STXBP6: variants seen among roughly 807,000 people sequenced by gnomAD.
STXBP6 encodes syntaxin-binding protein 6.
STXBP6 carries 21 observed loss-of-function variants against 26.9 expected under a neutral mutation model. The observed-to-expected ratio is 0.78, with a 90% CI of 0.55 to 1.12. The LOEUF is 1.12. STXBP6 is among the 50% of genes most tolerant of loss of function. The pLI is 0.00. For synonymous variants in STXBP6, 97 were observed against 92.6 expected (o/e 1.05, Z -0.27); for missense variants, 232 against 257.9 (o/e 0.90, Z 0.69).
Position 25,002,359 on chromosome 14 carries a change from C to CTTTTTTTTTTTTTTTTTTTT in STXBP6, c.-32-27510_-32-27509insAAAAAAAAAAAAAAAAAAAA, listed in dbSNP as rs747010332. Among the ~76,000 whole-genome samples the CTTTTTTTTTTTTTTTTTTTT allele has an allele frequency of 1.7e-3, 211 of 121,342 alleles. 10 individuals are homozygous for CTTTTTTTTTTTTTTTTTTTT. The highest frequency in any genetic ancestry group is 2.8e-3 in the Non-Finnish European group (165 of 59,410). The allele number at this position is 121,342 out of a possible 152,430, so 79.6% of individuals were successfully genotyped here. ...ATCCCATACAGTTAAATTCTTATGACTTTTTTTTTTTTTTTTTTGAGACAC... is the reference window on the plus strand; with the variant it reads ...ATCCCATACAGTTAAATTCTTATGACTTTTTTTTTTTTTTTTTTTTTTTTTTTTTTTTTTTTTTGAGACAC... On this transcript the variant is annotated intron_variant, in intron 1 of 5. Coordinates refer to ENST00000323944, the MANE Select transcript of STXBP6 (RefSeq NM_001394410.1).
intron 2 of STXBP6, among the ~76,000 whole-genome samples, chr14:24,967,334 G>A (rs1395852718): frequency 3.3e-5 from 5 of 152,170 alleles, no homozygotes; most frequent in African/African-American, 1.2e-4. Flanking sequence ...CTGACTGTAT[G>A]AGCACTGAAG....
chr14:25,045,781 T>C lies in STXBP6; in HGVS notation c.-33+4097A>G, dbSNP rs188437672. ...ACCACATCCAGCTAATTTGTTTTTG[T>C]ATTTTTAGTAGAGACAGGTTTTCAT... On this transcript the variant is annotated intron_variant, in intron 1 of 5. Coordinates refer to ENST00000323944, the MANE Select transcript of STXBP6 (RefSeq NM_001394410.1). 2.4e-3 allele frequency among the ~76,000 whole-genome samples: 358 copies of C among 152,184 alleles called. 1 individual carries two copies. Among genetic ancestry groups the C allele is most frequent in the Non-Finnish European group, 4.1e-3 (277 of 67,992 alleles).
chr14:24,947,688 C>A (rs112604153), intron 2 of STXBP6, among the ~76,000 whole-genome samples: 1 of 152,066 alleles, frequency 6.6e-6, no homozygotes, highest in Non-Finnish European at 1.5e-5. Flanking sequence ...TAATAGTAAA[C>A]TGGCAGTGAT....
intron 1 of STXBP6, among the ~76,000 whole-genome samples, chr14:25,004,415 T>C (rs1489401248): frequency 6.6e-6 from 1 of 152,200 alleles, no homozygotes; most frequent in Non-Finnish European, 1.5e-5. Flanking sequence ...AGGGTCTATG[T>C]GAGAATTATA....
At chr14:24,824,454 G>C (rs1332581544) in intron 4 of STXBP6, among the ~76,000 whole-genome samples, 1 of 152,180 alleles carries the variant, frequency 6.6e-6, no homozygotes, top group African/African-American at 2.4e-5. Context: ...TATGAACAGA[G>C]TGATTAAATG....
At chr14:24,976,641 T>C (rs566846473) in intron 1 of STXBP6, among the ~76,000 whole-genome samples, 2 of 152,296 alleles carry the variant, frequency 1.3e-5, no homozygotes, top group African/African-American at 2.4e-5. Context: ...ACCCCATGAC[T>C]TTCCTAGGCA....
At chr14:24,927,573 C>G (rs2072224057) in intron 2 of STXBP6, among the ~76,000 whole-genome samples, 1 of 152,216 alleles carries the variant, frequency 6.6e-6, no homozygotes, top group African/African-American at 2.4e-5. Context: ...AACCTTTCCT[C>G]TAAAGACATC....
At chr14:24,908,031 C>G (rs74040709) in intron 2 of STXBP6, among the ~76,000 whole-genome samples, 8,526 of 152,158 alleles carry the variant, frequency 0.056, 747 homozygotes, top group African/African-American at 0.19. Flanking sequence ...AGCAATGACC[C>G]CATTTGGGTG....
At chr14:24,818,836 T>C (rs894355844) in intron 5 of STXBP6, among the ~76,000 whole-genome samples, 5 of 152,140 alleles carry the variant, frequency 3.3e-5, no homozygotes, top group African/African-American at 1.2e-4. Context: ...CTGAGGACAT[T>C]AGAAAAGAGC....
chr14:24,919,101 C>CA (rs2071882148), intron 2 of STXBP6, among the ~76,000 whole-genome samples: 1 of 152,066 alleles, frequency 6.6e-6, no homozygotes, highest in African/African-American at 2.4e-5. Context: ...ACACAGCCCT[C>CA]AAGGTGAGAT....
intron 1 of STXBP6, among the ~76,000 whole-genome samples, chr14:25,006,601 G>A (rs1411082330): frequency 6.6e-6 from 1 of 152,160 alleles, no homozygotes; most frequent in Non-Finnish European, 1.5e-5. Context: ...GATAAATTCT[G>A]CTGTGTCCAC....
chr14:24,854,963 G>T (rs895160126), intron 4 of STXBP6, among the ~76,000 whole-genome samples: 1 of 152,108 alleles, frequency 6.6e-6, no homozygotes, highest in Non-Finnish European at 1.5e-5. Context: ...GACCTTCCAA[G>T]GTTCTTATGA....
At chr14:24,865,311 A>G (rs1259378327) in intron 2 of STXBP6, among the ~76,000 whole-genome samples, 1 of 152,120 alleles carries the variant, frequency 6.6e-6, no homozygotes, top group African/African-American at 2.4e-5. Flanking sequence ...GAGCCCTACA[A>G]TTGTACTAGT....
At chr14:24,876,722 A>G (rs910015864) in intron 2 of STXBP6, among the ~76,000 whole-genome samples, 2 of 152,246 alleles carry the variant, frequency 1.3e-5, no homozygotes, top group African/African-American at 4.8e-5. Context: ...ATGTAAGTCA[A>G]GAGCCTAAAA....
At chr14:24,823,296 T>TTAAATG (rs2138799782) in intron 4 of STXBP6, among the ~76,000 whole-genome samples, 1 of 152,042 alleles carries the variant, frequency 6.6e-6, no homozygotes. Flanking sequence ...GAAAATAAAT[T>TTAAATG]TAAATGTAGA....
intron 1 of STXBP6, among the ~76,000 whole-genome samples, chr14:25,019,250 A>T (rs544973054): frequency 1.0e-3 from 159 of 152,204 alleles, no homozygotes; most frequent in Non-Finnish European, 1.9e-3. Context: ...GGAGAATCCA[A>T]GTCTCAGGAC....
chr14:24,865,106 A>G (rs1288000266), intron 2 of STXBP6, among the ~76,000 whole-genome samples: 1 of 152,142 alleles, frequency 6.6e-6, no homozygotes, highest in Non-Finnish European at 1.5e-5. Context: ...AGATCTACTA[A>G]AGCTGAACAT....
At chr14:24,886,677 C>T (rs899670124) in intron 2 of STXBP6, among the ~76,000 whole-genome samples, 3 of 152,210 alleles carry the variant, frequency 2.0e-5, no homozygotes, top group Non-Finnish European at 4.4e-5. Flanking sequence ...TTTGCCAACA[C>T]TTTGTGCAGT....
rs552339065 is a variant in STXBP6, at chr14:24,828,309, T to C, written c.452-9115A>G. 2.0e-4 allele frequency among the ~76,000 whole-genome samples: 31 copies of C among 152,282 alleles called. No homozygotes were observed. In the East Asian group the frequency reaches 5.8e-3, roughly 28 times the overall value. ...ACTGATGTGATATTTAGAACATCAA[T>C]AGTAACAAAAGTTATCACAATAAAG... On this transcript the variant is annotated intron_variant, in intron 4 of 5. Coordinates refer to ENST00000323944, the MANE Select transcript of STXBP6 (RefSeq NM_001394410.1).
Sources: allele counts gnomAD v4.1 joint callset (sites outside exome capture counted in the v4.1 genomes callset), GRCh38; gene constraint gnomAD v4.1.1; transcripts MANE v1.5; gene names NCBI Gene and HGNC (gene_info 2026-07-23, HGNC 2026-07-21).